KCNK5: variants seen among roughly 807,000 people sequenced by gnomAD.
KCNK5 encodes potassium two pore domain channel subfamily K member 5.
KCNK5 carries 18 observed loss-of-function variants against 32.9 expected under a neutral mutation model. The ratio of observed to expected loss-of-function variants is 0.55; its 90% CI spans 0.38 to 0.81. KCNK5 has a LOEUF of 0.81. Ranked by LOEUF, KCNK5 falls within the 30% of genes least tolerant of loss-of-function variation. KCNK5 has a pLI of 0.00. For synonymous variants in KCNK5, 276 were observed against 275.3 expected (o/e 1.00, Z -0.03); for missense variants, 507 against 651.0 (o/e 0.78, Z 2.41).
intron 1 of KCNK5, among the ~76,000 whole-genome samples, chr6:39,226,558 AG>A (rs763059336): frequency 2.1e-4 from 32 of 152,254 alleles, no homozygotes; most frequent in South Asian, 4.1e-4. Flanking sequence ...ATTCCTAGCT[AG>A]GGGCTCCTTC....
At chr6:39,196,118 T>C in intron 1 of KCNK5, 131 bp from the exon 2 acceptor site, 1 of 583,042 alleles carries the variant, frequency 1.7e-6, no homozygotes, top group Non-Finnish European at 3.0e-6. Context: ...TGTCTCCATG[T>C]TACAGATGAA....
At position 39,229,362 on chromosome 6, in the gene KCNK5, G is replaced by A. The variant is rs1771729736; in HGVS notation, c.-251C>T. ...GGGCGAACACCAGCGGGGCTGAAAG[G>A]GCGCCCTGGACCGCGGATGCGTAAG... On this transcript the variant is annotated 5_prime_UTR_variant, in exon 1 of 5. Transcript: ENST00000359534. The A allele has an allele frequency of 1.6e-5, 9 of 551,498 alleles. No individual in the cohort carries two copies. The South Asian group carries it at 1.9e-4, about 11-fold the overall frequency. 34.2% of individuals were successfully genotyped at this position (551,498 alleles called of 1,614,324 possible).
At chr6:39,192,879 G>C (rs185789480) in intron 4 of KCNK5, among the ~76,000 whole-genome samples, 1 of 152,170 alleles carries the variant, frequency 6.6e-6, no homozygotes, top group South Asian at 2.1e-4. Context: ...CTGGAGGAAG[G>C]GGGCTACCTC....
chr6:39,213,846 G>A (rs551626570), intron 1 of KCNK5, among the ~76,000 whole-genome samples: 107 of 152,166 alleles, frequency 7.0e-4, no homozygotes, highest in African/African-American at 2.4e-3. Flanking sequence ...CCAACATAGT[G>A]AAACCCCGTT....
At position 39,208,880 on chromosome 6, in the gene KCNK5, A is replaced by G. The variant is rs370260385; in HGVS notation, c.187-12893T>C. Among the ~76,000 whole-genome samples the G allele has an allele frequency of 2.0e-5, 3 of 152,248 alleles. No individual in the cohort carries two copies. In the East Asian group the frequency reaches 5.8e-4, roughly 29 times the overall value. ...CGAAACTGGCAGATCATCTGAGGTC[A>G]GGAGTTTGAGACCAGCCTGACCAAC... On this transcript the variant is annotated intron_variant, in intron 1 of 4. Transcript: ENST00000359534.
intron 1 of KCNK5, among the ~76,000 whole-genome samples, chr6:39,203,236 T>C (rs2113785537): frequency 6.6e-6 from 1 of 152,336 alleles, no homozygotes; most frequent in South Asian, 2.1e-4. Context: ...TTCCCCATTT[T>C]AACAGAGAAA....
At chr6:39,197,872 C>T (rs752427735) in intron 1 of KCNK5, among the ~76,000 whole-genome samples, 3 of 152,210 alleles carry the variant, frequency 2.0e-5, no homozygotes, top group Admixed American at 6.5e-5. Context: ...TGCAGCACCA[C>T]CTCTGGTCAT....
chr6:39,217,140 A>AAAAAAAAAAAC (rs1562057367), intron 1 of KCNK5, among the ~76,000 whole-genome samples: 1 of 146,308 alleles, frequency 6.8e-6, no homozygotes, highest in Non-Finnish European at 1.5e-5. Context: ...AAAAAAAAAA[A>AAAAAAAAAAAC]AAAGAAAGAA....
intron 1 of KCNK5, among the ~76,000 whole-genome samples, chr6:39,207,999 C>T (rs1771259665): frequency 6.6e-6 from 1 of 152,050 alleles, no homozygotes; most frequent in Non-Finnish European, 1.5e-5. Flanking sequence ...TACCTCTTGC[C>T]TCTCAGAATG....
At chr6:39,218,261 G>A (rs1347194192) in intron 1 of KCNK5, among the ~76,000 whole-genome samples, 1 of 152,024 alleles carries the variant, frequency 6.6e-6, no homozygotes, top group East Asian at 1.9e-4. Flanking sequence ...AGTAGAGAGA[G>A]GGTTTCACTG....
intron 1 of KCNK5, among the ~76,000 whole-genome samples, chr6:39,228,646 C>T (rs1562060667): frequency 6.6e-6 from 1 of 152,218 alleles, no homozygotes; most frequent in Admixed American, 6.5e-5. Context: ...CACACCCACA[C>T]TGAAACACCG....
At chr6:39,210,459 G>A (rs1771315225) in intron 1 of KCNK5, among the ~76,000 whole-genome samples, 1 of 152,150 alleles carries the variant, frequency 6.6e-6, no homozygotes, top group Non-Finnish European at 1.5e-5. Flanking sequence ...ATGTAGCTGG[G>A]CACACCTGCT....
intron 1 of KCNK5, among the ~76,000 whole-genome samples, chr6:39,200,315 G>A (rs2815103): frequency 0.28 from 42,271 of 152,052 alleles, 6,136 homozygotes; most frequent in East Asian, 0.55. Context: ...GTTTGGGAAC[G>A]GAGTAGAGTT....
At chr6:39,228,836 C>T (rs1771717198) in intron 1 of KCNK5, 90 bp downstream of exon 1, 2 of 1,300,690 alleles carry the variant, frequency 1.5e-6, no homozygotes, top group Admixed American at 1.9e-5. Context: ...GACTGAGGGT[C>T]ACCCAAAGCT....
chr6:39,228,326 C>T (rs1258121411), intron 1 of KCNK5, among the ~76,000 whole-genome samples: 1 of 152,206 alleles, frequency 6.6e-6, no homozygotes, highest in Non-Finnish European at 1.5e-5. Context: ...AGCCTGAGCG[C>T]GTCCCCAGCA....
chr6:39,217,204 T>C (rs1311978456), intron 1 of KCNK5, among the ~76,000 whole-genome samples: 1 of 150,448 alleles, frequency 6.6e-6, no homozygotes, highest in Non-Finnish European at 1.5e-5. Flanking sequence ...CTCTCCTCTG[T>C]TAGGAGCTGG....
intron 1 of KCNK5, among the ~76,000 whole-genome samples, chr6:39,208,672 G>A (rs1583713067): frequency 6.6e-6 from 1 of 152,242 alleles, no homozygotes; most frequent in South Asian, 2.1e-4. Flanking sequence ...CTGTGCAGGG[G>A]GGGAGGGGGC....
chr6:39,217,163 C>T (rs1771455424), intron 1 of KCNK5, among the ~76,000 whole-genome samples: 1 of 121,222 alleles, frequency 8.2e-6, no homozygotes, highest in Non-Finnish European at 1.8e-5. Context: ...GAAAAAGAAA[C>T]TGGCTATTAG....
chr6:39,204,654 A>G (rs1398969388), intron 1 of KCNK5, among the ~76,000 whole-genome samples: 2 of 152,190 alleles, frequency 1.3e-5, no homozygotes, highest in Non-Finnish European at 2.9e-5. Context: ...CCCCCAGGTG[A>G]TTCTAATCTT....
Sources: allele counts gnomAD v4.1 joint callset (sites outside exome capture counted in the v4.1 genomes callset), GRCh38; gene constraint gnomAD v4.1.1; transcripts MANE v1.5; gene names NCBI Gene and HGNC (gene_info 2026-07-23, HGNC 2026-07-21).